The following ATP2B2 variants were observed in gnomAD, a reference collection of about 807,000 sequenced individuals.
ATP2B2 encodes the protein ATPase plasma membrane Ca2+ transporting 2.
Under a neutral mutation model 120.0 loss-of-function variants are expected in ATP2B2, and 15 were observed. The ratio of observed to expected loss-of-function variants is 0.12; its 90% CI spans 0.08 to 0.19. ATP2B2 has a LOEUF of 0.19. Among genes scored for constraint, ATP2B2 ranks in the 10% least tolerant of loss-of-function variants. The probability of loss-of-function intolerance (pLI) is 1.00; values close to 1 mark genes in which losing one functional copy is unlikely to be tolerated. For missense variants in ATP2B2, 1,045 were observed against 1,719.8 expected, an observed-to-expected ratio of 0.61 and a Z score of 6.94; for synonymous variants, 694 against 700.3, an observed-to-expected ratio of 0.99 and a Z score of 0.14.
At chr3:10,651,069 A>C (rs2070448857) in intron 1 of ATP2B2, among the ~76,000 whole-genome samples, 1 of 152,186 alleles carries the variant, frequency 6.6e-6, no homozygotes, top group South Asian at 2.1e-4. Context: ...TGTATCTAGG[A>C]AGTAACTAGC....
chr3:10,578,825 C>T (rs967892423), intron 2 of ATP2B2, among the ~76,000 whole-genome samples: 7 of 152,144 alleles, frequency 4.6e-5, no homozygotes, highest in African/African-American at 1.7e-4. Flanking sequence ...ACACACCATG[C>T]GATTCCATTT....
At chr3:10,549,417 G>T (rs1232735491) in intron 2 of ATP2B2, among the ~76,000 whole-genome samples, 4 of 151,762 alleles carry the variant, frequency 2.6e-5, no homozygotes, top group Non-Finnish European at 2.9e-5. Flanking sequence ...GAAAAAGAAA[G>T]AAAATGTGCC....
At chr3:10,571,553 G>T (rs1384385041) in intron 2 of ATP2B2, among the ~76,000 whole-genome samples, 2 of 152,236 alleles carry the variant, frequency 1.3e-5, no homozygotes, top group Non-Finnish European at 2.9e-5. Context: ...CATCAGTCTG[G>T]CAAGAGTTGG....
intron 22 of ATP2B2, among the ~76,000 whole-genome samples, chr3:10,330,915 A>G (rs1386645203): frequency 6.6e-6 from 1 of 152,246 alleles, no homozygotes; most frequent in Non-Finnish European, 1.5e-5. Context: ...AGAATTTAAC[A>G]TAAGCTTTGT....
intron 1 of ATP2B2, among the ~76,000 whole-genome samples, chr3:10,697,283 C>T (rs1291748798): frequency 3.3e-5 from 5 of 152,146 alleles, no homozygotes; most frequent in Non-Finnish European, 5.9e-5. Flanking sequence ...TCATCACAGC[C>T]CCTTTGCAGA....
chr3:10,636,151 C>T (rs914311624), intron 1 of ATP2B2, among the ~76,000 whole-genome samples: 1 of 152,228 alleles, frequency 6.6e-6, no homozygotes, highest in African/African-American at 2.4e-5. Flanking sequence ...CCAGTCTCTT[C>T]CTGCAGCCCA....
At chr3:10,431,675 T>C (rs1197294327) in intron 2 of ATP2B2, among the ~76,000 whole-genome samples, 1 of 152,056 alleles carries the variant, frequency 6.6e-6, no homozygotes, top group Non-Finnish European at 1.5e-5. Context: ...ATCACTACCC[T>C]TTTATCTCCA....
chr3:10,679,965 A>T (rs1235083096), intron 1 of ATP2B2, among the ~76,000 whole-genome samples: 1 of 152,094 alleles, frequency 6.6e-6, no homozygotes, highest in East Asian at 1.9e-4. Context: ...TGGTTCGAGG[A>T]TGTTAATAAC....
intron 1 of ATP2B2, among the ~76,000 whole-genome samples, chr3:10,683,760 G>GTGTGTATGTATATATA (rs1446781892): frequency 9.3e-5 from 5 of 53,902 alleles, no homozygotes; most frequent in African/African-American, 2.8e-4. Context: ...GTGTGTGTGT[G>GTGTGTATGTATATATA]TATATATATA....
intron 3 of ATP2B2, among the ~76,000 whole-genome samples, chr3:10,403,396 C>T (rs906458533): frequency 6.6e-6 from 1 of 152,224 alleles, no homozygotes; most frequent in Admixed American, 6.5e-5. Context: ...GTCTGCCAGG[C>T]CCACGGGGTG....
At chr3:10,515,401 A>G (rs1559433375) in intron 3 of ATP2B2, among the ~76,000 whole-genome samples, 1 of 152,196 alleles carries the variant, frequency 6.6e-6, no homozygotes, top group Non-Finnish European at 1.5e-5. Flanking sequence ...GGGAATCTGA[A>G]GATATCGTTC....
intron 2 of ATP2B2, among the ~76,000 whole-genome samples, chr3:10,586,982 C>T (rs1337505312): frequency 6.6e-6 from 1 of 152,152 alleles, no homozygotes; most frequent in Non-Finnish European, 1.5e-5. Flanking sequence ...AGTGAGTTTA[C>T]CTCACACACT....
At chr3:10,418,887 G>A (rs9876943) in intron 2 of ATP2B2, among the ~76,000 whole-genome samples, 23,373 of 152,184 alleles carry the variant, frequency 0.15, 3,742 homozygotes, top group African/African-American at 0.41. Context: ...TCAGTCGAGG[G>A]CAGAACTGTT....
intron 2 of ATP2B2, among the ~76,000 whole-genome samples, chr3:10,619,171 A>G (rs1363918561): frequency 6.6e-6 from 1 of 152,090 alleles, no homozygotes; most frequent in African/African-American, 2.4e-5. Context: ...TGTGTCTCCT[A>G]AGACTTGTTT....
intron 1 of ATP2B2, among the ~76,000 whole-genome samples, chr3:10,503,054 CT>C (rs1487977046): frequency 6.6e-6 from 1 of 152,162 alleles, no homozygotes; most frequent in Admixed American, 6.5e-5. Flanking sequence ...AGCTGGATTA[CT>C]ATTATTTACT....
chr3:10,680,865 T>C (rs889282093), intron 1 of ATP2B2, among the ~76,000 whole-genome samples: 4 of 152,184 alleles, frequency 2.6e-5, no homozygotes, highest in African/African-American at 9.6e-5. Context: ...CCGAATCTCA[T>C]GTTGAAATGG....
chr3:10,672,008 A>G (rs2071110929), intron 1 of ATP2B2, among the ~76,000 whole-genome samples: 1 of 152,226 alleles, frequency 6.6e-6, no homozygotes, highest in Admixed American at 6.5e-5. Flanking sequence ...ATATTTATGC[A>G]AATGTATGTA....
intron 14 of ATP2B2, among the ~76,000 whole-genome samples, chr3:10,352,480 G>A (rs1238486074): frequency 6.6e-6 from 1 of 152,226 alleles, no homozygotes; most frequent in Non-Finnish European, 1.5e-5. Context: ...CTAGCTACTG[G>A]AGTTGTCTAA....
chr3:10,430,480 T>TCCTC, intron 2 of ATP2B2, among the ~76,000 whole-genome samples: 1 of 152,192 alleles, frequency 6.6e-6, no homozygotes, highest in Non-Finnish European at 1.5e-5. Flanking sequence ...GTGGAGGAGG[T>TCCTC]CACTGCAGAT....
Sources: gnomAD v4.1 joint callset for allele counts (sites outside exome capture counted in the v4.1 genomes callset) on GRCh38, gnomAD v4.1.1 for gene constraint, MANE v1.5 for transcripts, NCBI Gene and HGNC (gene_info 2026-07-23, HGNC 2026-07-21) for gene names.